The following IGF1R variants were observed in gnomAD, a reference collection of about 807,000 sequenced individuals.
IGF1R encodes the protein insulin-like growth factor 1 receptor.
Under a neutral mutation model 144.6 loss-of-function variants are expected in IGF1R, and 44 were observed. That is an observed-to-expected ratio of 0.30 (90% CI 0.24 to 0.39). IGF1R has a LOEUF of 0.39. IGF1R is among the 10% of genes least tolerant of loss of function. IGF1R has a pLI of 1.00. For missense variants in IGF1R, 1,355 were observed against 1,833.7 expected (o/e 0.74, Z 4.77); for synonymous variants, 795 against 722.8 (o/e 1.10, Z -1.60).
intron 2 of IGF1R, among the ~76,000 whole-genome samples, chr15:98,802,558 A>G (rs1363056102): frequency 6.6e-6 from 1 of 152,258 alleles, no homozygotes; most frequent in Admixed American, 6.5e-5. Flanking sequence ...AAGTGTGTAC[A>G]GGATTTGAAC....
intron 2 of IGF1R, among the ~76,000 whole-genome samples, chr15:98,754,284 T>C (rs1294086407): frequency 6.6e-6 from 1 of 152,182 alleles, no homozygotes; most frequent in Admixed American, 6.6e-5. Context: ...CTTTCTGTCT[T>C]GGAGGGGAAC....
intron 1 of IGF1R, among the ~76,000 whole-genome samples, chr15:98,701,324 A>T (rs1017356675): frequency 4.1e-5 from 3 of 73,000 alleles, no homozygotes; most frequent in Admixed American, 1.7e-4. Context: ...AGCCTATCTC[A>T]TTTTTTTTTT....
chr15:98,828,230 C>T (rs1396311002), intron 2 of IGF1R, among the ~76,000 whole-genome samples: 1 of 152,170 alleles, frequency 6.6e-6, no homozygotes, highest in African/African-American at 2.4e-5. Flanking sequence ...AATACTCGGG[C>T]TAAACTTCCA....
At chr15:98,689,777 G>A (rs1003526298) in intron 1 of IGF1R, among the ~76,000 whole-genome samples, 14 of 152,112 alleles carry the variant, frequency 9.2e-5, no homozygotes, top group Non-Finnish European at 1.9e-4. Context: ...CATTGATGTT[G>A]AACAGATCCT....
chr15:98,919,407 G>T (rs1838135247), intron 10 of IGF1R, among the ~76,000 whole-genome samples: 1 of 152,220 alleles, frequency 6.6e-6, no homozygotes, highest in African/African-American at 2.4e-5. Flanking sequence ...ACCAGCAGGA[G>T]GTTCGGGTTG....
chr15:98,896,048 C>G (rs375308786), intron 3 of IGF1R, among the ~76,000 whole-genome samples: 1 of 151,738 alleles, frequency 6.6e-6, no homozygotes, highest in African/African-American at 2.4e-5. Context: ...CTTGGTGGTT[C>G]GTGGCATGTT....
rs548693773 is a variant in IGF1R, at chr15:98,918,535, C to T, written c.2201+1659C>T. ...GGCATTATTTCCTTTTGAGAGTGCG[C>T]CTCTTCATTGCTTGGTGGCTTTTTT... On this transcript the variant is annotated intron_variant, in intron 10 of 20. Transcript: ENST00000650285. Among the ~76,000 whole-genome samples the T allele has an allele frequency of 5.3e-5, 8 of 152,220 alleles. No individual in the cohort carries two copies. The South Asian group carries it at 1.5e-3, about 28-fold the overall frequency.
intron 2 of IGF1R, among the ~76,000 whole-genome samples, chr15:98,718,771 C>T (rs1399445370): frequency 6.6e-6 from 1 of 152,118 alleles, no homozygotes; most frequent in Non-Finnish European, 1.5e-5. Flanking sequence ...AAAGAGCCTA[C>T]AGTACAAAAA....
intron 1 of IGF1R, among the ~76,000 whole-genome samples, chr15:98,675,158 T>C (rs1237521621): frequency 1.3e-5 from 2 of 151,940 alleles, no homozygotes. Context: ...CTGGCAAATT[T>C]TTGTATTTTT....
At position 98,948,279 on chromosome 15, in the gene IGF1R, C is replaced by T. The variant is rs79101271; in HGVS notation, c.3588-295C>T. Reference sequence around the variant, plus strand: ...TAGATGCTGAACCCAGTATGCTCTGCGTTCAAAGCACAGATCAGGGGCTTC... The same window carrying T: ...TAGATGCTGAACCCAGTATGCTCTGTGTTCAAAGCACAGATCAGGGGCTTC... On this transcript the variant is annotated intron_variant, in intron 19 of 20. Coordinates refer to ENST00000650285, the MANE Select transcript of IGF1R (RefSeq NM_000875.5). 5.3e-3 allele frequency among the ~76,000 whole-genome samples: 804 copies of T among 152,312 alleles called. 3 individuals carry two copies. Among genetic ancestry groups the T allele is most frequent in the Middle Eastern group, 0.017 (5 of 294 alleles).
At chr15:98,791,099 A>G (rs1430607166) in intron 2 of IGF1R, among the ~76,000 whole-genome samples, 1 of 152,214 alleles carries the variant, frequency 6.6e-6, no homozygotes, top group Non-Finnish European at 1.5e-5. Context: ...TGATTCAGTG[A>G]TGATGATGGG....
intron 2 of IGF1R, among the ~76,000 whole-genome samples, chr15:98,721,058 C>T (rs768955149): frequency 1.6e-4 from 25 of 152,036 alleles, no homozygotes; most frequent in Non-Finnish European, 2.8e-4. Flanking sequence ...TTTTGGTTTT[C>T]GGCATCTGGG....
At position 98,899,953 on chromosome 15, in the gene IGF1R, T is replaced by C. The variant is rs1012671264; in HGVS notation, c.1247+332T>C. Among the ~76,000 whole-genome samples the C allele has an allele frequency of 2.0e-5, 3 of 152,068 alleles. 1 individual carries two copies. The highest frequency in any genetic ancestry group is 4.1e-4 in the South Asian group (2 of 4,824). ...AAGAATGACAGCAGTTGGTCTGGAG[T>C]GCTCACCTCCCTGTGAAATCATTGT... On this transcript the variant is annotated intron_variant, in intron 5 of 20. Transcript: ENST00000650285.
intron 19 of IGF1R, among the ~76,000 whole-genome samples, chr15:98,946,158 T>C (rs1243692070): frequency 1.5e-5 from 2 of 137,332 alleles, no homozygotes; most frequent in Non-Finnish European, 3.0e-5. Context: ...GTAGGCACCC[T>C]AAGTATGGAT....
At chr15:98,771,592 C>T (rs1281898711) in intron 2 of IGF1R, among the ~76,000 whole-genome samples, 1 of 152,098 alleles carries the variant, frequency 6.6e-6, no homozygotes, top group Non-Finnish European at 1.5e-5. Context: ...TCAGAATATG[C>T]CTCCAGAGAC....
rs190108979 is a variant in IGF1R at position 98,810,999 on chromosome 15, T to G, written c.641-80326T>G. ...CATATTGTCTGTAGACAACCTAGAA[T>G]GTTAGAAAATTCTTTCTCTGGCTGG... is the stretch of plus-strand genomic sequence containing the variant. On this transcript the variant is annotated intron_variant, in intron 2 of 20. Coordinates refer to ENST00000650285, the MANE Select transcript of IGF1R (RefSeq NM_000875.5). Among the ~76,000 whole-genome samples, 295 of 152,160 alleles carry G rather than the reference T, an allele frequency of 1.9e-3. 3 individuals carry two copies. Among genetic ancestry groups the G allele is most frequent in the African/African-American group, 6.8e-3 (283 of 41,538 alleles).
chr15:98,903,315 G>A (rs2014574948), intron 5 of IGF1R, among the ~76,000 whole-genome samples: 1 of 152,212 alleles, frequency 6.6e-6, no homozygotes, highest in Non-Finnish European at 1.5e-5. Context: ...TTGAAAAGAA[G>A]AAGGAAAAAG....
rs1263591128 is a variant in IGF1R at position 98,957,997 on chromosome 15, A to G, written c.*555A>G. The G allele has an allele frequency of 2.6e-5, 6 of 234,962 alleles. No homozygotes were observed. The highest frequency in any genetic ancestry group is 5.0e-5 in the Non-Finnish European group (6 of 119,052). 14.6% of individuals were successfully genotyped at this position (234,962 alleles called of 1,614,324 possible). A position where few individuals can be genotyped will look rare whatever the true frequency, so the allele number is the denominator to read the frequency against. ...ATTTACAAAGGGCCATCGTTCATCC[A>G]AGGCTGTTACCATTTTAACGCTGCC... On this transcript the variant is annotated 3_prime_UTR_variant, in exon 21 of 21. Coordinates refer to ENST00000650285, the MANE Select transcript of IGF1R (RefSeq NM_000875.5).
chr15:98,943,358 C>T (rs1334132467), intron 19 of IGF1R, among the ~76,000 whole-genome samples: 1 of 152,196 alleles, frequency 6.6e-6, no homozygotes, highest in Non-Finnish European at 1.5e-5. Context: ...CTTTTTGTTT[C>T]TCCCCTGCCT....
Sources: gnomAD v4.1 joint callset for allele counts (sites outside exome capture counted in the v4.1 genomes callset) on GRCh38, gnomAD v4.1.1 for gene constraint, MANE v1.5 for transcripts, NCBI Gene and HGNC (gene_info 2026-07-23, HGNC 2026-07-21) for gene names.